The following TENM2 variants were observed in gnomAD, a reference collection of about 807,000 sequenced individuals.
TENM2 encodes the protein teneurin-2.
Under a neutral mutation model 245.2 loss-of-function variants are expected in TENM2, and 52 were observed. That is an observed-to-expected ratio of 0.21 (90% CI 0.17 to 0.27). TENM2 has a LOEUF of 0.27. TENM2 is among the 10% of genes least tolerant of loss of function. The probability of loss-of-function intolerance (pLI) is 1.00; values close to 1 mark genes in which losing one functional copy is unlikely to be tolerated. For missense variants in TENM2, 3,046 were observed against 3,666.8 expected, an observed-to-expected ratio of 0.83 and a Z score of 4.37; for synonymous variants, 1,363 against 1,438.9, an observed-to-expected ratio of 0.95 and a Z score of 1.19.
intron 2 of TENM2, among the ~76,000 whole-genome samples, chr5:167,710,788 A>G (rs779617077): frequency 6.6e-6 from 1 of 152,224 alleles, no homozygotes; most frequent in African/African-American, 2.4e-5. Context: ...GCTTGTATCT[A>G]CTACAGATCA....
the TENM2 span, among the ~76,000 whole-genome samples, chr5:167,014,190 AG>A: frequency 6.7e-6 from 1 of 149,726 alleles, no homozygotes; most frequent in Non-Finnish European, 1.5e-5. Flanking sequence ...AGACCTGGAC[AG>A]GTATTTTTAG....
intron 27 of TENM2, among the ~76,000 whole-genome samples, chr5:168,256,912 A>G (rs1767720053): frequency 6.6e-6 from 1 of 152,188 alleles, no homozygotes; most frequent in Non-Finnish European, 1.5e-5. Context: ...CCAGGGCAGA[A>G]GGTAGTTATG....
downstream of TENM2, chr5:168,262,999 T>C (rs1316713614): frequency 9.0e-6 from 5 of 555,586 alleles, no homozygotes; most frequent in African/African-American, 3.7e-5. Flanking sequence ...CATCCTGAAG[T>C]AGACTAAAGC....
At chr5:167,840,530 C>CT (rs1247216027) in intron 2 of TENM2, among the ~76,000 whole-genome samples, 1 of 152,074 alleles carries the variant, frequency 6.6e-6, no homozygotes, top group Non-Finnish European at 1.5e-5. Context: ...CTAACCGCGT[C>CT]TCCCCTCCTT....
At chr5:167,536,465 AAAAAT>A (rs1057444094) in intron 2 of TENM2, among the ~76,000 whole-genome samples, 1 of 152,200 alleles carries the variant, frequency 6.6e-6, no homozygotes, top group African/African-American at 2.4e-5. Context: ...ACTTAAAAAA[AAAAAT>A]AACCCTTTAA....
the TENM2 span, among the ~76,000 whole-genome samples, chr5:167,224,234 G>A: frequency 1.3e-5 from 2 of 151,958 alleles, no homozygotes; most frequent in East Asian, 3.9e-4. Flanking sequence ...TGTTGTCTGT[G>A]CTTTTGAGGT....
At chr5:167,252,945 T>A in the TENM2 span, among the ~76,000 whole-genome samples, 1 of 152,166 alleles carries the variant, frequency 6.6e-6, no homozygotes, top group Non-Finnish European at 1.5e-5. Flanking sequence ...AGAAGTTAAA[T>A]GAAGTATAAT....
exon 19 of TENM2, chr5:168,204,479 T>C: frequency 6.2e-7 from 1 of 1,614,022 alleles, no homozygotes; most frequent in Non-Finnish European, 8.5e-7. Flanking sequence ...CTGTCCCAGC[T>C]GCAACGGCCT....
intron 2 of TENM2, among the ~76,000 whole-genome samples, chr5:167,860,905 C>A (rs1273588565): frequency 8.5e-6 from 1 of 117,652 alleles, no homozygotes; most frequent in Admixed American, 8.8e-5. Context: ...ACAAACACTG[C>A]GGAAGGCCGC....
chr5:167,070,284 A>ATTTTTTTTTTTTT, the TENM2 span, among the ~76,000 whole-genome samples: 1,563 of 98,884 alleles, frequency 0.016, 66 homozygotes, highest in African/African-American at 0.048. Context: ...CGCCCGGCTA[A>ATTTTTTTTTTTTT]TTTTTTTTTT....
At chr5:167,179,210 G>T in the TENM2 span, among the ~76,000 whole-genome samples, 12 of 152,124 alleles carry the variant, frequency 7.9e-5, no homozygotes, top group African/African-American at 2.9e-4. Context: ...ACAGGAAAAA[G>T]CTTCTACTTC....
At chr5:168,204,478 C>T (rs775978109) in exon 19 of TENM2, 2 of 1,613,946 alleles carry the variant, frequency 1.2e-6, no homozygotes, top group Admixed American at 1.7e-5. Context: ...CCTGTCCCAG[C>T]TGCAACGGCC....
chr5:167,248,808 G>GTA, the TENM2 span, among the ~76,000 whole-genome samples: 141 of 150,864 alleles, frequency 9.3e-4, 1 homozygote, highest in South Asian at 0.022. Context: ...GCGTGTGTGT[G>GTA]TATATATATA....
chr5:167,325,417 A>G (rs1240845178), intron 1 of TENM2, among the ~76,000 whole-genome samples: 1 of 152,204 alleles, frequency 6.6e-6, no homozygotes, highest in Non-Finnish European at 1.5e-5. Context: ...CAAGTCAACA[A>G]GCAACTATTG....
chr5:168,198,549 ATAGT>A (rs1761661474), intron 15 of TENM2, among the ~76,000 whole-genome samples: 1 of 152,102 alleles, frequency 6.6e-6, no homozygotes, highest in Admixed American at 6.5e-5. Context: ...CTCATAGGTC[ATAGT>A]TTGTTGAGCT....
At chr5:167,331,492 A>G (rs150151654) in intron 1 of TENM2, among the ~76,000 whole-genome samples, 489 of 152,320 alleles carry the variant, frequency 3.2e-3, no homozygotes, top group Non-Finnish European at 4.5e-3. Flanking sequence ...AAGTGAGGAC[A>G]TGGAAAGTCT....
At chr5:167,911,507 A>G (rs1044310599) in intron 3 of TENM2, among the ~76,000 whole-genome samples, 17 of 152,232 alleles carry the variant, frequency 1.1e-4, no homozygotes, top group Non-Finnish European at 2.2e-4. Flanking sequence ...AGCCTGGGCG[A>G]CAGAGCGAGA....
At chr5:168,201,302 A>G (rs1248463088) in intron 17 of TENM2, among the ~76,000 whole-genome samples, 2 of 151,994 alleles carry the variant, frequency 1.3e-5, no homozygotes, top group African/African-American at 4.8e-5. Flanking sequence ...ATATATATAT[A>G]CACACATACA....
chr5:167,668,708 A>G (rs1277926036), intron 2 of TENM2, among the ~76,000 whole-genome samples: 1 of 152,196 alleles, frequency 6.6e-6, no homozygotes, highest in Admixed American at 6.5e-5. Flanking sequence ...TAATCCCAGA[A>G]CTTTGGGAGG....
Sources: gnomAD v4.1 joint callset for allele counts (sites outside exome capture counted in the v4.1 genomes callset) on GRCh38, gnomAD v4.1.1 for gene constraint, MANE v1.5 for transcripts, NCBI Gene and HGNC (gene_info 2026-07-23, HGNC 2026-07-21) for gene names.